PMP22: variants seen among roughly 807,000 people sequenced by gnomAD.
PMP22 encodes the protein peripheral myelin protein 22, also known as Charcot-Marie-Tooth neuropathy 1A (greatly reduced nerve conduction velocity, hereditary motor sensory neuropathy Ia).
In PMP22, 2 loss-of-function variants were observed where a neutral mutation model predicts 18.9. The observed-to-expected ratio is 0.11, with a 90% confidence interval of 0.04 to 0.33. The LOEUF is 0.33. Among genes scored for constraint, PMP22 ranks in the 10% least tolerant of loss-of-function variants. The pLI is 1.00. For synonymous variants in PMP22, 95 were observed against 89.2 expected, an observed-to-expected ratio of 1.07 and a Z score of -0.37; for missense variants, 169 against 202.2, an observed-to-expected ratio of 0.84 and a Z score of 1.00.
chr17:15,257,547 A>C (rs1476791027), intron 3 of PMP22, among the ~76,000 whole-genome samples: 2 of 152,106 alleles, frequency 1.3e-5, no homozygotes, highest in African/African-American at 4.8e-5. Context: ...GAGTACGGAG[A>C]CTCCCATCCG....
At chr17:15,236,915 A>C (rs1349486506) in intron 4 of PMP22, among the ~76,000 whole-genome samples, 1 of 152,210 alleles carries the variant, frequency 6.6e-6, no homozygotes, top group Non-Finnish European at 1.5e-5. Context: ...TTAACAACGG[A>C]GGACAGGACA....
chr17:15,243,720 A>AT (rs1308415549), intron 3 of PMP22, among the ~76,000 whole-genome samples: 1 of 148,178 alleles, frequency 6.7e-6, no homozygotes, highest in Non-Finnish European at 1.5e-5. Flanking sequence ...TAGAAGTATG[A>AT]TATATAATTA....
At chr17:15,254,693 C>A (rs756190579) in intron 3 of PMP22, among the ~76,000 whole-genome samples, 1 of 152,146 alleles carries the variant, frequency 6.6e-6, no homozygotes, top group Admixed American at 6.5e-5. Flanking sequence ...CATGGTGGCT[C>A]ACGCTTGTAA....
In PMP22 at chr17:15,252,695, T is replaced by G. The variant is rs375033849; in HGVS notation, c.178+6399A>C. 2.6e-5 allele frequency among the ~76,000 whole-genome samples: 4 copies of G among 152,260 alleles called. No homozygotes were observed. The East Asian group carries it at 7.7e-4, about 29-fold the overall frequency. ...GATTCAAAAAGGGGCACATTTTTTG[T>G]GCCTAACACCTCAGCATGAAAAAGT... is the stretch of plus-strand genomic sequence containing the variant. On this transcript the variant is annotated intron_variant, in intron 3 of 4. Transcript: ENST00000312280.
chr17:15,234,917 A>C (rs1906666134), intron 4 of PMP22, among the ~76,000 whole-genome samples: 2 of 152,020 alleles, frequency 1.3e-5, no homozygotes, highest in Admixed American at 1.3e-4. Flanking sequence ...CTCAGCCTCA[A>C]GCAATCCTCC....
At chr17:15,231,584 G>A (rs1009433368) in intron 4 of PMP22, among the ~76,000 whole-genome samples, 2 of 152,206 alleles carry the variant, frequency 1.3e-5, no homozygotes, top group Non-Finnish European at 2.9e-5. Context: ...AGGGGCCTAT[G>A]GTCCCCCTAA....
At chr17:15,241,360 T>C (rs1907299313) in intron 3 of PMP22, among the ~76,000 whole-genome samples, 1 of 152,206 alleles carries the variant, frequency 6.6e-6, no homozygotes, top group African/African-American at 2.4e-5. Context: ...ATAAAAAAAT[T>C]ATCTAGCACT....
At chr17:15,253,528 C>T (rs1908549075) in intron 3 of PMP22, among the ~76,000 whole-genome samples, 1 of 152,152 alleles carries the variant, frequency 6.6e-6, no homozygotes, top group Non-Finnish European at 1.5e-5. Flanking sequence ...AAATGGACCA[C>T]TGAGAAACCC....
chr17:15,235,300 A>C, intron 4 of PMP22: 1 of 717,536 alleles, frequency 1.4e-6, no homozygotes, highest in South Asian at 1.5e-5. Flanking sequence ...GAGGAAACAC[A>C]ATTATCTAAT....
intron 1 of PMP22, among the ~76,000 whole-genome samples, chr17:15,264,883 AG>A (rs1277463983): frequency 3.3e-5 from 5 of 152,116 alleles, no homozygotes; most frequent in Non-Finnish European, 4.4e-5. Flanking sequence ...TGGGGGAAAA[AG>A]CATCTAGATT....
chr17:15,262,007 A>G (rs187442321), intron 1 of PMP22, among the ~76,000 whole-genome samples: 1 of 152,328 alleles, frequency 6.6e-6, no homozygotes. Flanking sequence ...GAAGAAATAA[A>G]CAAGGATTTC....
chr17:15,258,782 A>T lies in PMP22; in HGVS notation c.178+312T>A, dbSNP rs1909049044. On this transcript the variant is annotated intron_variant, in intron 3 of 4. Coordinates refer to ENST00000312280, the MANE Select transcript of PMP22 (RefSeq NM_000304.4). This position sits in a 1 kb window ranked among gnomAD's most constrained non-coding sequence, Gnocchi z 4.1. ...AAGGGGGTCTGCCAAAGGCTTAGCT[A>T]TCATACCACCTTCACAGCTCCCAGG... 2 of 406,698 alleles carry T rather than the reference A, an allele frequency of 4.9e-6. No individual in the cohort carries two copies. The highest frequency in any genetic ancestry group is 1.1e-4 in the East Asian group (2 of 17,718). The allele number at this position is 406,698 out of a possible 1,614,324, so 25.2% of individuals were successfully genotyped here.
chr17:15,260,929 G>A (rs1013641020), intron 1 of PMP22, 168 bp from the exon 2 acceptor site: 2 of 403,436 alleles, frequency 5.0e-6, no homozygotes, highest in African/African-American at 4.3e-5. Flanking sequence ...GCCGAGAGGG[G>A]GCAGCAGCCG....
At chr17:15,239,445 C>A (rs1208793744) in intron 4 of PMP22, 26 bp downstream of exon 4, 2 of 1,613,868 alleles carry the variant, frequency 1.2e-6, no homozygotes, top group Non-Finnish European at 1.7e-6. Context: ...CCCGCTTCCA[C>A]ATGGACTTTA....
intron 3 of PMP22, among the ~76,000 whole-genome samples, chr17:15,247,016 G>A (rs1907877281): frequency 7.0e-6 from 1 of 142,686 alleles, no homozygotes; most frequent in African/African-American, 2.6e-5. Flanking sequence ...ACTGCAGTGA[G>A]CCGAGATCAC....
intron 1 of PMP22, among the ~76,000 whole-genome samples, chr17:15,264,381 A>G (rs1412387698): frequency 1.3e-5 from 2 of 152,202 alleles, no homozygotes; most frequent in African/African-American, 4.8e-5. Flanking sequence ...TCTAGAAATT[A>G]TTACTTTGTT....
chr17:15,264,967 G>C (rs890949906), intron 1 of PMP22, among the ~76,000 whole-genome samples, 187 bp downstream of exon 1: 1 of 152,162 alleles, frequency 6.6e-6, no homozygotes, highest in African/African-American at 2.4e-5. Flanking sequence ...TCCCCAGCCA[G>C]AGTATATATC....
chr17:15,250,856 CAG>C lies in PMP22; in HGVS notation c.178+8236_178+8237del, dbSNP rs1367436514. ...ATTGTCATTGTCATCATTGTCATCT[CAG>C]TGTCATCATCATGTCCAGTCTGGAC... On this transcript the variant is annotated intron_variant, in intron 3 of 4. Transcript: ENST00000312280. 3.9e-5 allele frequency among the ~76,000 whole-genome samples: 6 copies of C among 152,170 alleles called. No individual in the cohort carries two copies. In the East Asian group the frequency reaches 9.6e-4, roughly 24 times the overall value.
At chr17:15,252,300 G>A (rs1282003646) in intron 3 of PMP22, among the ~76,000 whole-genome samples, 4 of 152,146 alleles carry the variant, frequency 2.6e-5, no homozygotes, top group Non-Finnish European at 1.5e-5. Context: ...TCAGGTTGGG[G>A]GCTGCTGAGA....
Sources: gnomAD v4.1 joint callset for allele counts (sites outside exome capture counted in the v4.1 genomes callset) on GRCh38, gnomAD v4.1.1 for gene constraint, Gnocchi (gnomAD v3.1) non-coding constraint, MANE v1.5 for transcripts, NCBI Gene and HGNC (gene_info 2026-07-23, HGNC 2026-07-21) for gene names.